Variants in HMBOX1 observed in about 807,000 individuals in gnomAD.
HMBOX1 encodes homeobox-containing protein 1.
A neutral mutation model predicts 54.5 loss-of-function variants in HMBOX1; 14 were observed. The observed-to-expected ratio is 0.26, with a 90% CI of 0.17 to 0.40. HMBOX1 has a LOEUF of 0.40. Among genes scored for constraint, HMBOX1 ranks in the 10% least tolerant of loss-of-function variants. The pLI is 1.00. For synonymous variants in HMBOX1, 160 were observed against 181.0 expected (o/e 0.88, Z 0.93); for missense variants, 332 against 514.4 (o/e 0.65, Z 3.43).
At chr8:28,996,723 T>C (rs961961780) in intron 4 of HMBOX1, among the ~76,000 whole-genome samples, 1 of 152,166 alleles carries the variant, frequency 6.6e-6, no homozygotes, top group African/African-American at 2.4e-5. Flanking sequence ...CTTCTGAGAG[T>C]TTTATACTTT....
rs567733539 is a variant in HMBOX1, at chr8:28,919,510, G to A, written c.-58+28832G>A. On this transcript the variant is annotated intron_variant, in intron 1 of 9. Transcript: ENST00000287701. ...TATACTTAATCTCAGTATTTATTGC[G>A]TTACAGATAGCACAATGCTGTATTT... Among the ~76,000 whole-genome samples, 250 of 152,064 alleles carry A rather than the reference G, an allele frequency of 1.6e-3. 2 individuals carry two copies. The highest frequency in any genetic ancestry group is 5.6e-3 in the African/African-American group (234 of 41,472).
At chr8:28,909,847 TA>T (rs1815066841) in intron 1 of HMBOX1, among the ~76,000 whole-genome samples, 1 of 152,126 alleles carries the variant, frequency 6.6e-6, no homozygotes, top group African/African-American at 2.4e-5. Flanking sequence ...AATCCAATTT[TA>T]GAACTTTTTT....
rs1262198412 is a variant in HMBOX1, at chr8:28,921,915, C to G, written c.-58+31237C>G. ...ACTAAGGTGATGAATTATGCTAAATCAACAAATGAGTACATAAGAAGCTAA... is the reference window on the plus strand; with the variant it reads ...ACTAAGGTGATGAATTATGCTAAATGAACAAATGAGTACATAAGAAGCTAA... On this transcript the variant is annotated intron_variant, in intron 1 of 9. Coordinates refer to ENST00000287701, the MANE Select transcript of HMBOX1 (RefSeq NM_001135726.3). 2.6e-5 allele frequency among the ~76,000 whole-genome samples: 4 copies of G among 152,082 alleles called. 1 individual carries two copies. The highest frequency in any genetic ancestry group is 1.3e-4 in the Admixed American group (2 of 15,262).
Position 28,970,579 on chromosome 8 carries a change from A to G in HMBOX1, c.500+60A>G. ...TGTCTGTATTCTTAGATTGTTTTTA[A>G]GTAGTATGCTGCGTTTCAGCTACTT... On this transcript the variant is annotated intron_variant, in intron 3 of 9. Coordinates refer to ENST00000287701, the MANE Select transcript of HMBOX1 (RefSeq NM_001135726.3). The surrounding 1 kb of genome is among the most constrained non-coding windows in gnomAD (Gnocchi z 4.3). 9.2e-7 allele frequency: 1 copy of G among 1,087,782 alleles called. No individual in the cohort carries two copies. The highest frequency in any genetic ancestry group is 1.3e-6 in the Non-Finnish European group (1 of 753,444). 67.4% of individuals were successfully genotyped at this position (1,087,782 alleles called of 1,614,324 possible).
At chr8:29,030,332 C>A (rs1428388604) in intron 6 of HMBOX1, among the ~76,000 whole-genome samples, 1 of 152,090 alleles carries the variant, frequency 6.6e-6, no homozygotes, top group African/African-American at 2.4e-5. Context: ...ATTCTCCTGC[C>A]TCAGCCTCCC....
intron 6 of HMBOX1, among the ~76,000 whole-genome samples, chr8:29,027,365 G>T (rs906670985): frequency 2.0e-5 from 3 of 152,066 alleles, no homozygotes; most frequent in African/African-American, 7.2e-5. Context: ...GAGTAGATCT[G>T]AAGAGAAGGT....
At chr8:29,041,009 A>C (rs1465039930) in intron 6 of HMBOX1, among the ~76,000 whole-genome samples, 6 of 152,180 alleles carry the variant, frequency 3.9e-5, no homozygotes. Flanking sequence ...AGCTGGTCCA[A>C]ATACACTTTC....
At chr8:28,925,707 T>G (rs919115406) in intron 1 of HMBOX1, among the ~76,000 whole-genome samples, 1 of 152,298 alleles carries the variant, frequency 6.6e-6, no homozygotes, top group Admixed American at 6.5e-5. Flanking sequence ...ATTATGTTGC[T>G]TCTTTTGTGT....
chr8:28,907,468 T>G (rs1026315933), intron 1 of HMBOX1, among the ~76,000 whole-genome samples: 2 of 152,258 alleles, frequency 1.3e-5, no homozygotes, highest in Admixed American at 1.3e-4. Context: ...TTACTTCCTT[T>G]TTATAGATAT....
At chr8:28,902,960 A>G (rs1260556194) in intron 1 of HMBOX1, among the ~76,000 whole-genome samples, 2 of 152,244 alleles carry the variant, frequency 1.3e-5, no homozygotes, top group African/African-American at 2.4e-5. Flanking sequence ...TGTATTCTCT[A>G]TGATGGTGTC....
intron 2 of HMBOX1, among the ~76,000 whole-genome samples, chr8:28,968,549 C>T (rs935157671): frequency 3.3e-5 from 5 of 152,182 alleles, no homozygotes; most frequent in Non-Finnish European, 7.3e-5. Flanking sequence ...GAATAAAGAA[C>T]ATCTACCATG....
intron 1 of HMBOX1, among the ~76,000 whole-genome samples, chr8:28,939,434 T>C (rs1421525949): frequency 5.3e-5 from 8 of 152,214 alleles, no homozygotes; most frequent in Admixed American, 3.3e-4. Context: ...TGAAACATCT[T>C]TGATGCTCTG....
At chr8:28,938,684 G>T (rs1820814793) in intron 1 of HMBOX1, among the ~76,000 whole-genome samples, 1 of 151,454 alleles carries the variant, frequency 6.6e-6, no homozygotes, top group African/African-American at 2.4e-5. Context: ...CTGGCCTCAA[G>T]TGATCCTTTC....
At chr8:28,979,861 T>C (rs1219176642) in intron 3 of HMBOX1, among the ~76,000 whole-genome samples, 1 of 152,240 alleles carries the variant, frequency 6.6e-6, no homozygotes, top group East Asian at 1.9e-4. Context: ...CTAAAGCGTC[T>C]GTTTGATGGT....
intron 1 of HMBOX1, among the ~76,000 whole-genome samples, chr8:28,961,894 ATTTT>A (rs911989856): frequency 1.9e-5 from 2 of 107,656 alleles, no homozygotes; most frequent in African/African-American, 3.3e-5. Context: ...GTGTCATTTT[ATTTT>A]TTTTTTTTTT....
chr8:29,051,359 A>T lies in HMBOX1; in HGVS notation c.*204A>T. 2 of 634,544 alleles carry T rather than the reference A, an allele frequency of 3.2e-6. No homozygotes were observed. The highest frequency in any genetic ancestry group is 5.6e-6 in the Non-Finnish European group (2 of 356,556). The allele number at this position is 634,544 out of a possible 1,614,324, so 39.3% of individuals were successfully genotyped here. ...CAGTATTAACTCCCAGTAAATAATA[A>T]CCAACCAACCAACCAAACTTCCCTC... On this transcript the variant is annotated 3_prime_UTR_variant, in exon 10 of 10. Transcript: ENST00000287701.
At chr8:28,965,766 A>G (rs1175934954) in intron 2 of HMBOX1, among the ~76,000 whole-genome samples, 1 of 152,152 alleles carries the variant, frequency 6.6e-6, no homozygotes, top group Non-Finnish European at 1.5e-5. Flanking sequence ...TAAGCTCCCA[A>G]AGTGTCTGTT....
chr8:28,964,210 A>G (rs1329673840), intron 2 of HMBOX1, among the ~76,000 whole-genome samples: 1 of 152,120 alleles, frequency 6.6e-6, no homozygotes, highest in Non-Finnish European at 1.5e-5. Flanking sequence ...TCCAAGATAG[A>G]TGACTAACAG....
At chr8:28,896,598 A>T (rs539299668) in intron 1 of HMBOX1, among the ~76,000 whole-genome samples, 1 of 148,740 alleles carries the variant, frequency 6.7e-6, no homozygotes, top group Non-Finnish European at 1.5e-5. Context: ...TGAATATATG[A>T]CAGTGGTCCC....
Sources: gnomAD v4.1 joint callset for allele counts (sites outside exome capture counted in the v4.1 genomes callset) on GRCh38, gnomAD v4.1.1 for gene constraint, Gnocchi (gnomAD v3.1) non-coding constraint, MANE v1.5 for transcripts, NCBI Gene and HGNC (gene_info 2026-07-23, HGNC 2026-07-21) for gene names.